The following RAMACL variants were observed in gnomAD, a reference collection of about 807,000 sequenced individuals.
The protein encoded by RAMACL is RNA guanine-7 methyltransferase activating subunit like, also known as RNA guanine-N7 methyltransferase-activating subunit-like protein.
A neutral mutation model predicts 13.4 loss-of-function variants in RAMACL; 9 were observed. The ratio of observed to expected loss-of-function variants is 0.67; its 90% CI spans 0.41 to 1.17. The LOEUF (loss-of-function observed/expected upper bound fraction) is 1.17. Ranked by LOEUF, RAMACL falls within the 50% of genes most tolerant of loss-of-function variation. The pLI, the probability that RAMACL is intolerant of heterozygous loss-of-function variation, is 0.01. For synonymous variants in RAMACL, 39 were observed against 49.3 expected (o/e 0.79, Z 0.88); for missense variants, 124 against 141.6 (o/e 0.88, Z 0.63).
rs1434166828 is a variant in RAMACL, at chr6:166,586,024, G to A, written c.*97C>T. Reference sequence around the variant, plus strand: ...TTCCAAAAAATCAATAATCCATTCTGTAAAATCAGATGTAAAACTATGACC... The same window carrying A: ...TTCCAAAAAATCAATAATCCATTCTATAAAATCAGATGTAAAACTATGACC... On this transcript the variant is annotated 3_prime_UTR_variant, in exon 1 of 1. Transcript: ENST00000444122. The A allele has an allele frequency of 5.0e-6, 3 of 606,058 alleles. No homozygotes were observed. The East Asian group carries it at 8.8e-5, about 18-fold the overall frequency. 37.5% of individuals were successfully genotyped at this position (606,058 alleles called of 1,614,324 possible). A position where few individuals can be genotyped will look rare whatever the true frequency, so the allele number is the denominator to read the frequency against.
rs1785170884 is a variant in RAMACL at position 166,586,291 on chromosome 6, G to A, written c.187C>T (p.Gln63Ter). The A allele has an allele frequency of 1.3e-6, 2 of 1,598,398 alleles. No individual in the cohort carries two copies. Among genetic ancestry groups the A allele is most frequent in the African/African-American group, 1.7e-5 (1 of 60,126 alleles). The change falls in exon 1 of 1, where the codon CAG (glutamine) becomes TAG (stop). Residue 63 changes from glutamine (Q) to a stop codon, truncating the protein, a stop_gained. Transcript: ENST00000444122. LOFTEE classifies it high-confidence loss of function. The stretch of plus-strand genomic sequence containing the variant: ...CATCTGTTGTCCCTGCCTCTGAACT[G>A]TCTGTTGTCTTGCAACCGATTGCCT...
downstream of RAMACL, among the ~76,000 whole-genome samples, chr6:166,583,301 G>C (rs116998054): frequency 4.8e-3 from 730 of 152,276 alleles, 3 homozygotes; most frequent in South Asian, 0.014. Flanking sequence ...CACCCTGTAG[G>C]ACTTGCACCA....
exon 1 of RAMACL, chr6:166,586,173 T>C (rs1785163654): frequency 2.5e-6 from 4 of 1,572,060 alleles, no homozygotes; most frequent in Middle Eastern, 3.3e-4. Context: ...TCCATATTGC[T>C]GGGGATAGTA....
chr6:166,585,498 C>CTTTTTTTTTTTTTTT (rs58153048), downstream of RAMACL, among the ~76,000 whole-genome samples: 4 of 86,304 alleles, frequency 4.6e-5, no homozygotes, highest in African/African-American at 7.0e-5. Context: ...TCAAACAAGT[C>CTTTTTTTTTTTTTTT]TTTTTTTTTT....
chr6:166,586,439 C>T, exon 1 of RAMACL: 1 of 1,599,866 alleles, frequency 6.3e-7, no homozygotes, highest in Non-Finnish European at 8.5e-7. Context: ...TAGCAAACAT[C>T]TCTTCAAAAT....
At chr6:166,584,597 T>TA (rs1262830186), downstream of RAMACL, among the ~76,000 whole-genome samples, 1 of 152,232 alleles carries the variant, frequency 6.6e-6, no homozygotes, top group Non-Finnish European at 1.5e-5. Context: ...ATTCTGGGGA[T>TA]ACTCAGCAGC....
At chr6:166,586,281 C>G in exon 1 of RAMACL, 1 of 1,598,010 alleles carries the variant, frequency 6.3e-7, no homozygotes, top group Non-Finnish European at 8.5e-7. Flanking sequence ...GTTGTCCCTG[C>G]CTCTGAACTG....
Position 166,586,128 on chromosome 6 carries a change from T to C in RAMACL, c.350A>G (p.Tyr117Cys), listed in dbSNP as rs1785160971. The C allele has an allele frequency of 2.7e-6, 4 of 1,479,204 alleles. No individual in the cohort carries two copies. The Admixed American group carries it at 7.6e-5, about 28-fold the overall frequency. 91.6% of individuals were successfully genotyped at this position (1,479,204 alleles called of 1,614,324 possible). Residue 117 changes from tyrosine (Y) to cysteine (C), a missense_variant, in exon 1 of 1, where the codon TAC becomes TGC. Tyr to Cys is a radical substitution (Grantham distance 194, BLOSUM62 -2). Transcript: ENST00000444122. ...AAGCTGCCAACATTTCTATCAGTAG[T>C]AACCGTAAGGAGGCCGCTGGTTGTA...
chr6:166,583,853 G>T (rs1785093437), downstream of RAMACL, among the ~76,000 whole-genome samples: 1 of 152,172 alleles, frequency 6.6e-6, no homozygotes, highest in African/African-American at 2.4e-5. Flanking sequence ...TACTTCCATG[G>T]GTTCTATCTA....
chr6:166,584,365 A>G (rs1785107262), downstream of RAMACL, among the ~76,000 whole-genome samples: 1 of 152,224 alleles, frequency 6.6e-6, no homozygotes, highest in African/African-American at 2.4e-5. Context: ...CCCTTTCTCC[A>G]CATAGAATCA....
exon 1 of RAMACL, chr6:166,586,277 C>T: frequency 6.3e-7 from 1 of 1,597,712 alleles, no homozygotes; most frequent in Non-Finnish European, 8.5e-7. Flanking sequence ...ATCTGTTGTC[C>T]CTGCCTCTGA....
At chr6:166,586,010 CAAT>C in exon 1 of RAMACL, 1 of 556,588 alleles carries the variant, frequency 1.8e-6, no homozygotes, top group South Asian at 2.6e-5. Flanking sequence ...TCCAAAAAAT[CAAT>C]AATCCATTCT....
chr6:166,586,412 A>G, exon 1 of RAMACL: 6 of 1,599,928 alleles, frequency 3.8e-6, no homozygotes, highest in Non-Finnish European at 5.1e-6. Flanking sequence ...ACTCCTTGTC[A>G]TTTTCTGTGA....
chr6:166,586,531 T>A, exon 1 of RAMACL: 1 of 1,530,026 alleles, frequency 6.5e-7, no homozygotes, highest in Non-Finnish European at 8.8e-7. Context: ...TTAGGTTGTT[T>A]AAATCCGCCA....
chr6:166,585,498 C>CTTTT (rs58153048), downstream of RAMACL, among the ~76,000 whole-genome samples: 31 of 86,278 alleles, frequency 3.6e-4, no homozygotes, highest in African/African-American at 1.5e-3. Context: ...TCAAACAAGT[C>CTTTT]TTTTTTTTTT....
downstream of RAMACL, among the ~76,000 whole-genome samples, chr6:166,583,486 C>A (rs1229283914): frequency 2.0e-5 from 3 of 152,206 alleles, no homozygotes; most frequent in Non-Finnish European, 4.4e-5. Context: ...AAGCATCCTG[C>A]GCACCTTCTC....
chr6:166,584,013 G>A (rs992431778), downstream of RAMACL, among the ~76,000 whole-genome samples: 3 of 152,222 alleles, frequency 2.0e-5, no homozygotes, highest in Non-Finnish European at 4.4e-5. Context: ...TAGGCCAGGT[G>A]TGCAACGAAA....
chr6:166,583,159 C>T (rs1302721743), downstream of RAMACL, among the ~76,000 whole-genome samples: 11 of 152,176 alleles, frequency 7.2e-5, no homozygotes, highest in Non-Finnish European at 1.6e-4. Flanking sequence ...TATCATATTA[C>T]ACATAATTAG....
chr6:166,585,434 T>G (rs558328161), downstream of RAMACL, among the ~76,000 whole-genome samples: 45 of 151,918 alleles, frequency 3.0e-4, no homozygotes, highest in African/African-American at 1.1e-3. Context: ...TATAATTGTG[T>G]GCAATTGTCC....
Sources: gnomAD v4.1 joint callset for allele counts (sites outside exome capture counted in the v4.1 genomes callset) on GRCh38, gnomAD v4.1.1 for gene constraint, MANE v1.5 for transcripts, NCBI Gene and HGNC (gene_info 2026-07-23, HGNC 2026-07-21) for gene names.